Variants in PEX14 observed in about 807,000 individuals in gnomAD.
PEX14 encodes the protein peroxisomal membrane protein PEX14.
In PEX14, 15 loss-of-function variants were observed where a neutral mutation model predicts 49.5. That is an observed-to-expected ratio of 0.30 (90% CI 0.20 to 0.47). The LOEUF is 0.47. Ranked by LOEUF, PEX14 falls within the 20% of genes least tolerant of loss-of-function variation. PEX14 has a pLI of 1.00. For missense variants in PEX14, 398 were observed against 494.8 expected, an observed-to-expected ratio of 0.80 and a Z score of 1.86; for synonymous variants, 210 against 212.7, an observed-to-expected ratio of 0.99 and a Z score of 0.11.
intron 4 of PEX14, among the ~76,000 whole-genome samples, chr1:10,609,746 G>A (rs1468594120): frequency 2.6e-5 from 4 of 152,116 alleles, no homozygotes; most frequent in Non-Finnish European, 5.9e-5. Context: ...TTAGCTGGCC[G>A]TGGTGGCGGG....
intron 1 of PEX14, among the ~76,000 whole-genome samples, chr1:10,477,308 G>A (rs1457298403): frequency 6.6e-6 from 1 of 152,084 alleles, no homozygotes; most frequent in African/African-American, 2.4e-5. Flanking sequence ...CTGACCTCAT[G>A]ATCCGCCCAC....
At chr1:10,554,011 C>T (rs531488229) in intron 3 of PEX14, among the ~76,000 whole-genome samples, 2 of 151,834 alleles carry the variant, frequency 1.3e-5, no homozygotes, top group South Asian at 2.1e-4. Flanking sequence ...AAATGTGGGC[C>T]GGGCGCGGTG....
intron 4 of PEX14, among the ~76,000 whole-genome samples, chr1:10,604,624 A>G (rs1195931705): frequency 1.3e-5 from 2 of 152,118 alleles, no homozygotes; most frequent in Non-Finnish European, 2.9e-5. Context: ...AAAACCAAAA[A>G]GAAAGAAACT....
At chr1:10,546,886 G>T (rs1398701875) in intron 3 of PEX14, among the ~76,000 whole-genome samples, 1 of 151,758 alleles carries the variant, frequency 6.6e-6, no homozygotes, top group Non-Finnish European at 1.5e-5. Flanking sequence ...AACAAAAAAC[G>T]AACAACTACA....
At chr1:10,491,674 C>CTTTTTTT (rs5772417) in intron 1 of PEX14, among the ~76,000 whole-genome samples, 2 of 55,118 alleles carry the variant, frequency 3.6e-5, no homozygotes, top group African/African-American at 7.9e-5. Context: ...GGCCATGCTC[C>CTTTTTTT]TTTTTTTTTT....
chr1:10,577,546 ATATATATATATATATATTTTTTTTTTTTT>A (rs1640165077), intron 3 of PEX14, among the ~76,000 whole-genome samples: 4 of 7,554 alleles, frequency 5.3e-4, no homozygotes, highest in African/African-American at 9.3e-4. Context: ...ATATATATAT[ATATATATATATATATATTTTTTTTTTTTT>A]TTTTTTTTTT....
intron 3 of PEX14, among the ~76,000 whole-genome samples, chr1:10,577,464 G>A (rs1484820156): frequency 2.2e-5 from 3 of 133,618 alleles, no homozygotes; most frequent in Non-Finnish European, 4.6e-5. Flanking sequence ...CAGTCATGGT[G>A]GAGTAGCTTG....
In PEX14 at chr1:10,539,772, A is replaced by C. The variant is rs1212512798; in HGVS notation, c.169+3475A>C. On this transcript the variant is annotated intron_variant, in intron 3 of 8. Transcript: ENST00000356607. The surrounding 1 kb of genome is among the most constrained non-coding windows in gnomAD (Gnocchi z 4.6). Reference sequence around the variant, plus strand: ...GATTTGACACCCTATCCAGCCACAAAATGTAGGAGGCAGTCTGCTTCCAAA... The same window carrying C: ...GATTTGACACCCTATCCAGCCACAACATGTAGGAGGCAGTCTGCTTCCAAA... Among the ~76,000 whole-genome samples the C allele has an allele frequency of 1.3e-5, 2 of 150,716 alleles. No homozygotes were observed. Among genetic ancestry groups the C allele is most frequent in the Non-Finnish European group, 3.0e-5 (2 of 67,766 alleles).
At chr1:10,617,345 C>T (rs1641455489) in intron 4 of PEX14, among the ~76,000 whole-genome samples, 1 of 152,236 alleles carries the variant, frequency 6.6e-6, no homozygotes, top group South Asian at 2.1e-4. Flanking sequence ...CTCAGAGCCT[C>T]CCCAGTGCTG....
intron 3 of PEX14, among the ~76,000 whole-genome samples, chr1:10,547,124 C>A (rs1639200056): frequency 6.6e-6 from 1 of 152,098 alleles, no homozygotes; most frequent in Non-Finnish European, 1.5e-5. Context: ...TTGCTGCTGC[C>A]CCCACTGCAA....
In PEX14 at chr1:10,629,660, C is replaced by G; in HGVS notation, c.807C>G (p.Asn269Lys). The part of the protein sequence containing the change: ...HSSSDISPVS[N>K]ESTSSSPGKE... ...GCAGCGACATCTCACCTGTCAGCAACGAGTCCACGTCGTCCTCGCCTGGGA... is the reference window on the plus strand; with the variant it reads ...GCAGCGACATCTCACCTGTCAGCAAGGAGTCCACGTCGTCCTCGCCTGGGA... The change falls in exon 9 of 9, where the codon AAC becomes AAG. Residue 269 changes from asparagine to lysine, a missense_variant. Asn to Lys is a moderately conservative substitution (Grantham distance 94, BLOSUM62 0). Transcript: ENST00000356607. The surrounding 1 kb of genome is among the most constrained non-coding windows in gnomAD (Gnocchi z 8.5). The G allele has an allele frequency of 6.2e-7, 1 of 1,613,944 alleles. No homozygotes were observed. The highest frequency in any genetic ancestry group is 8.5e-7 in the Non-Finnish European group (1 of 1,179,956).
At chr1:10,564,107 A>C (rs2124536428) in intron 3 of PEX14, among the ~76,000 whole-genome samples, 1 of 152,090 alleles carries the variant, frequency 6.6e-6, no homozygotes, top group East Asian at 1.9e-4. Flanking sequence ...CTTTGTAGTT[A>C]TCCTATGTAA....
rs921591415 is a variant in PEX14, at chr1:10,518,134, C to T, written c.85-18079C>T. Among the ~76,000 whole-genome samples the T allele has an allele frequency of 4.6e-5, 7 of 151,874 alleles. 1 individual carries two copies. The South Asian group carries it at 1.0e-3, about 23-fold the overall frequency. ...TGACCTTTTGTTTTGGGTGCTTTTT[C>T]GCTCTCCTCTCCTTAAAAAAAAAGT... On this transcript the variant is annotated intron_variant, in intron 2 of 8. Transcript: ENST00000356607.
intron 2 of PEX14, among the ~76,000 whole-genome samples, chr1:10,523,738 T>C (rs985607805): frequency 1.3e-5 from 2 of 151,810 alleles, no homozygotes; most frequent in Non-Finnish European, 2.9e-5. Flanking sequence ...CGTTTGGCTG[T>C]GTTTGCACTC....
chr1:10,549,146 C>A (rs1309681851), intron 3 of PEX14, among the ~76,000 whole-genome samples: 2 of 151,978 alleles, frequency 1.3e-5, no homozygotes, highest in Non-Finnish European at 2.9e-5. Flanking sequence ...AAAATCATGA[C>A]CCTCTGTGAT....
intron 5 of PEX14, among the ~76,000 whole-genome samples, chr1:10,619,534 C>G (rs938020479): frequency 6.6e-6 from 1 of 151,918 alleles, no homozygotes; most frequent in Non-Finnish European, 1.5e-5. Flanking sequence ...AGGCCGGTCT[C>G]GAACTCCTGA....
chr1:10,541,644 C>T lies in PEX14; in HGVS notation c.169+5347C>T, dbSNP rs539204986. Among the ~76,000 whole-genome samples, 3 of 152,334 alleles carry T rather than the reference C, an allele frequency of 2.0e-5. No individual in the cohort carries two copies. In the East Asian group the frequency reaches 5.8e-4, roughly 29 times the overall value. On this transcript the variant is annotated intron_variant, in intron 3 of 8. Transcript: ENST00000356607. ...GTCTTCCTTCCCTGCCAGTCTTGCA[C>T]CTGCATATTCGTCACCTGCTGTTCT...
intron 3 of PEX14, among the ~76,000 whole-genome samples, chr1:10,566,185 A>G (rs1639799233): frequency 6.6e-6 from 1 of 152,134 alleles, no homozygotes. Flanking sequence ...TTTACAAGCT[A>G]TTTCATCTTG....
chr1:10,551,891 G>A (rs746358086), intron 3 of PEX14, among the ~76,000 whole-genome samples: 2 of 151,930 alleles, frequency 1.3e-5, no homozygotes, highest in Non-Finnish European at 2.9e-5. Flanking sequence ...TGTGGAGTTC[G>A]AGACCAGCTT....
Sources: gnomAD v4.1 joint callset for allele counts (sites outside exome capture counted in the v4.1 genomes callset) on GRCh38, gnomAD v4.1.1 for gene constraint, Gnocchi (gnomAD v3.1) non-coding constraint, MANE v1.5 for transcripts, NCBI Gene and HGNC (gene_info 2026-07-23, HGNC 2026-07-21) for gene names.